The following ARAP1 variants were observed in gnomAD, a reference collection of about 807,000 sequenced individuals.
The protein encoded by ARAP1 is arf-GAP with Rho-GAP domain, ANK repeat and PH domain-containing protein 1.
A neutral mutation model predicts 172.2 loss-of-function variants in ARAP1; 76 were observed. The ratio of observed to expected loss-of-function variants is 0.44; its 90% CI spans 0.37 to 0.53. ARAP1 has a LOEUF of 0.53. Among genes scored for constraint, ARAP1 ranks in the 20% least tolerant of loss-of-function variants. The pLI is 0.00. For missense variants in ARAP1, 1,686 were observed against 1,977.5 expected (o/e 0.85, Z 2.80); for synonymous variants, 804 against 803.3 (o/e 1.00, Z -0.01).
intron 3 of ARAP1, among the ~76,000 whole-genome samples, chr11:72,717,385 G>C (rs1857326301): frequency 6.6e-6 from 1 of 152,182 alleles, no homozygotes; most frequent in South Asian, 2.1e-4. Flanking sequence ...AAGCAGGATT[G>C]AGGGAGCCTG....
At chr11:72,705,931 C>G (rs747211866) in intron 12 of ARAP1, 41 bp from the exon 13 acceptor site, 30 of 1,605,478 alleles carry the variant, frequency 1.9e-5, no homozygotes, top group South Asian at 6.6e-5. Context: ...CTGGGCCCCC[C>G]CTTCACGGGA....
chr11:72,721,518 G>A (rs1395916404), intron 3 of ARAP1, among the ~76,000 whole-genome samples: 12 of 152,166 alleles, frequency 7.9e-5, no homozygotes, highest in Admixed American at 2.0e-4. Flanking sequence ...ACCCCAAAGA[G>A]GAGTATTCTG....
chr11:72,717,880 C>G (rs1364808899), intron 3 of ARAP1, among the ~76,000 whole-genome samples: 1 of 152,206 alleles, frequency 6.6e-6, no homozygotes, highest in African/African-American at 2.4e-5. Context: ...AGTACCACAG[C>G]TGAGCAAATG....
chr11:72,728,580 CAAAACAAAAACA>C (rs893479745), intron 2 of ARAP1, among the ~76,000 whole-genome samples: 9 of 152,018 alleles, frequency 5.9e-5, no homozygotes, highest in East Asian at 1.9e-4. Context: ...GGCTCCGTCT[CAAAACAAAAACA>C]AAAACAAAAA....
chr11:72,693,761 C>A lies in ARAP1; in HGVS notation c.3739G>T (p.Gly1247Trp), dbSNP rs771101869. 3 of 1,610,002 alleles carry A rather than the reference C, an allele frequency of 1.9e-6. No homozygotes were observed. The highest frequency in any genetic ancestry group is 2.2e-5 in the East Asian group (1 of 44,668). Residue 1247 changes from glycine (G) to tryptophan (W), a missense_variant, in exon 28 of 35, where the codon GGG becomes TGG. Around this residue, in one of 5 missense-constraint regions of ARAP1, gnomAD observed 379 missense variants for 500.1 expected, o/e 0.76. Coordinates refer to ENST00000393609, the MANE Select transcript of ARAP1 (RefSeq NM_001040118.3). The surrounding 1 kb of genome is among the most constrained non-coding windows in gnomAD (Gnocchi z 4.6). ...FAEKVLPILH[G>W]LGTDSHLVVK... Reference sequence around the variant, plus strand: ...ACCAGGTGGCTGTCCGTGCCCAGCCCGTGCAGGATGGGCAGCACCTTCTCC... The same window carrying A: ...ACCAGGTGGCTGTCCGTGCCCAGCCAGTGCAGGATGGGCAGCACCTTCTCC...
chr11:72,715,315 C>G (rs1297489870), intron 3 of ARAP1, among the ~76,000 whole-genome samples: 1 of 152,232 alleles, frequency 6.6e-6, no homozygotes, highest in Admixed American at 6.5e-5. Flanking sequence ...GCCCCACCAG[C>G]TGTCTCTGCC....
Position 72,712,566 on chromosome 11 carries a change from C to T in ARAP1, c.750G>A (p.Glu250=). Reference sequence around the variant, plus strand: ...GTGGGACTCGGCTCGGTGGGGGCTCCTCCTGCCCCCGAGACCCACTCAGCG... The same window carrying T: ...GTGGGACTCGGCTCGGTGGGGGCTCTTCCTGCCCCCGAGACCCACTCAGCG... ...GAPARVMTKK[E]EPPPSRVPRA... is the part of the protein sequence containing the mutation. The change falls in exon 6 of 35, where the codon GAG becomes GAA. Residue 250 remains glutamate (E), a splice_region_variant and synonymous_variant. Coordinates refer to ENST00000393609, the MANE Select transcript of ARAP1 (RefSeq NM_001040118.3). The T allele has an allele frequency of 6.2e-7, 1 of 1,612,338 alleles. No homozygotes were observed. The highest frequency in any genetic ancestry group is 8.5e-7 in the Non-Finnish European group (1 of 1,179,946).
intron 8 of ARAP1, 95 bp downstream of exon 8, chr11:72,711,335 C>G: frequency 6.6e-7 from 1 of 1,506,698 alleles, no homozygotes. Context: ...AGAACTCTGG[C>G]GAGGACTCCT....
Position 72,725,319 on chromosome 11 carries a change from T to TC in ARAP1, c.509+1300_509+1301insG, listed in dbSNP as rs927048075. Among the ~76,000 whole-genome samples the TC allele has an allele frequency of 3.3e-5, 5 of 150,694 alleles. No individual in the cohort carries two copies. Among genetic ancestry groups the TC allele is most frequent in the African/African-American group, 1.2e-4 (5 of 40,796 alleles). On this transcript the variant is annotated intron_variant, in intron 3 of 34. Coordinates refer to ENST00000393609, the MANE Select transcript of ARAP1 (RefSeq NM_001040118.3). The surrounding 1 kb of genome is among the most constrained non-coding windows in gnomAD (Gnocchi z 4.3). ...ACCTCTCTCTCTCTCTCTCTCTCTC[T>TC]TTTTCTCTCTCTCTCTCCCCCCCAC...
chr11:72,715,420 T>C (rs923807551), intron 3 of ARAP1, among the ~76,000 whole-genome samples: 2 of 152,164 alleles, frequency 1.3e-5, no homozygotes, highest in African/African-American at 4.8e-5. Context: ...GGTGTGGGGC[T>C]ACCGTGAAAG....
At chr11:72,719,255 T>A (rs1857409907) in intron 3 of ARAP1, among the ~76,000 whole-genome samples, 1 of 152,162 alleles carries the variant, frequency 6.6e-6, no homozygotes, top group South Asian at 2.1e-4. Flanking sequence ...AAGGTCACCC[T>A]CCTCTTACCC....
In ARAP1 at chr11:72,697,097, TG is replaced by T. The variant is rs1856235586; in HGVS notation, c.3051del (p.Lys1018ArgfsTer32). 1 of 1,608,994 alleles carries T rather than the reference TG, an allele frequency of 6.2e-7. No homozygotes were observed. The highest frequency in any genetic ancestry group is 1.7e-5 in the Admixed American group (1 of 59,996). ...TCATCCACGTGCTGCTCGCCCTCCT[TG>T]AGGTGCACAGAGCGCGCATCCTGCC... ...SLRQDARSVHLKEGEQHVDDV... is the reference protein window; with the variant it reads ...SLRQDARSVHXKEGEQHVDDV... On this transcript the variant is annotated frameshift_variant, in exon 22 of 35. Coordinates refer to ENST00000393609, the MANE Select transcript of ARAP1 (RefSeq NM_001040118.3). LOFTEE classifies it high-confidence loss of function.
intron 3 of ARAP1, 104 bp from the exon 4 acceptor site, chr11:72,714,425 C>G: frequency 1.7e-6 from 2 of 1,149,124 alleles, no homozygotes; most frequent in South Asian, 1.5e-5. Context: ...AGGCACTACA[C>G]AAACTCACAC....
rs1431400577 is a variant in ARAP1 at position 72,695,299 on chromosome 11, G to A, written c.3576+88C>T. Reference sequence around the variant, plus strand: ...GTCCCAAACTGGTCCTCTCCTCGGGGTAGAAGCACTGCTCCCCTGGCCATC... The same window carrying A: ...GTCCCAAACTGGTCCTCTCCTCGGGATAGAAGCACTGCTCCCCTGGCCATC... On this transcript the variant is annotated intron_variant, in intron 26 of 34. Coordinates refer to ENST00000393609, the MANE Select transcript of ARAP1 (RefSeq NM_001040118.3). The surrounding 1 kb of genome is among the most constrained non-coding windows in gnomAD (Gnocchi z 4.4). 1.3e-6 allele frequency: 2 copies of A among 1,563,662 alleles called. No homozygotes were observed. The highest frequency in any genetic ancestry group is 1.8e-4 in the Middle Eastern group (1 of 5,442).
intron 1 of ARAP1, among the ~76,000 whole-genome samples, chr11:72,744,007 T>C (rs568844950): frequency 1.9e-4 from 29 of 152,198 alleles, no homozygotes; most frequent in African/African-American, 6.7e-4. Flanking sequence ...CACCAGGGCT[T>C]CACCACCAAG....
intron 1 of ARAP1, among the ~76,000 whole-genome samples, chr11:72,742,417 C>T (rs1488669399): frequency 6.6e-6 from 1 of 152,176 alleles, no homozygotes; most frequent in Non-Finnish European, 1.5e-5. Flanking sequence ...GATTAGGAAA[C>T]AGCCTCAGAG....
intron 15 of ARAP1, 151 bp downstream of exon 15, chr11:72,702,754 C>A: frequency 1.1e-6 from 1 of 942,484 alleles, no homozygotes; most frequent in Admixed American, 2.8e-5. Flanking sequence ...TACAAATACA[C>A]ACTGACATGC....
At chr11:72,712,111 G>A in intron 7 of ARAP1, 85 bp downstream of exon 7, 1 of 1,464,948 alleles carries the variant, frequency 6.8e-7, no homozygotes, top group Non-Finnish European at 9.0e-7. Flanking sequence ...TCAGATCAGT[G>A]AGTGATACCA....
At chr11:72,743,990 G>A (rs756167440) in intron 1 of ARAP1, among the ~76,000 whole-genome samples, 6 of 151,880 alleles carry the variant, frequency 4.0e-5, no homozygotes, top group African/African-American at 7.3e-5. Context: ...CCACTCTCAC[G>A]CTCCAACACC....
Sources: allele counts gnomAD v4.1 joint callset (sites outside exome capture counted in the v4.1 genomes callset), GRCh38; gene constraint gnomAD v4.1.1; regional missense constraint gnomAD v4.1.1; non-coding constraint Gnocchi (gnomAD v3.1); transcripts MANE v1.5; gene names NCBI Gene and HGNC (gene_info 2026-07-23, HGNC 2026-07-21).